The following ZNF431 variants were observed in gnomAD, a reference collection of about 807,000 sequenced individuals.
ZNF431 encodes the protein zinc finger protein 431.
Under a neutral mutation model 57.0 loss-of-function variants are expected in ZNF431, and 34 were observed. The observed-to-expected ratio is 0.60, with a 90% CI of 0.45 to 0.79. The LOEUF is 0.79. Among genes scored for constraint, ZNF431 ranks in the 30% least tolerant of loss-of-function variants. The probability of loss-of-function intolerance (pLI) is 0.00; values close to 1 mark genes in which losing one functional copy is unlikely to be tolerated. For missense variants in ZNF431, 607 were observed against 667.1 expected (o/e 0.91, Z 0.99); for synonymous variants, 207 against 220.3 (o/e 0.94, Z 0.54).
chr19:21,148,766 G>A (rs1970182543), intron 2 of ZNF431, among the ~76,000 whole-genome samples: 1 of 152,144 alleles, frequency 6.6e-6, no homozygotes, highest in Admixed American at 6.5e-5. Context: ...ACCTTGGTAA[G>A]TAAGGAATTT....
At chr19:21,171,240 TG>T (rs1970879581) in intron 4 of ZNF431, among the ~76,000 whole-genome samples, 1 of 152,232 alleles carries the variant, frequency 6.6e-6, no homozygotes, top group Non-Finnish European at 1.5e-5. Flanking sequence ...TGCATGCCAA[TG>T]ATTCAAAATA....
rs1971564557 is a variant in ZNF431 at position 21,194,257 on chromosome 19, T to C, written c.*10223T>C. ...AAATCAAGAACAGTTTTCTTTACAATAGCCATAAACAAAAAATAATATACT... is the reference window on the plus strand; with the variant it reads ...AAATCAAGAACAGTTTTCTTTACAACAGCCATAAACAAAAAATAATATACT... On this transcript the variant is annotated 3_prime_UTR_variant, in exon 5 of 5. Transcript: ENST00000311048. The C allele has an allele frequency of 6.6e-6, 1 of 152,070 alleles. No homozygotes were observed. The highest frequency in any genetic ancestry group is 1.5e-5 in the Non-Finnish European group (1 of 67,996). 9.4% of individuals were successfully genotyped at this position (152,070 alleles called of 1,614,324 possible). A position where few individuals can be genotyped will look rare whatever the true frequency, so the allele number is the denominator to read the frequency against.
chr19:21,142,839 T>C (rs1969978257), intron 1 of ZNF431, among the ~76,000 whole-genome samples: 1 of 152,172 alleles, frequency 6.6e-6, no homozygotes, highest in Non-Finnish European at 1.5e-5. Flanking sequence ...TATAGTTGGT[T>C]AGGGCTGAGT....
intron 4 of ZNF431, among the ~76,000 whole-genome samples, chr19:21,178,313 C>T (rs964082376): frequency 4.6e-5 from 7 of 152,058 alleles, no homozygotes; most frequent in African/African-American, 1.4e-4. Flanking sequence ...TTATTTCTCT[C>T]GCCTGATTTC....
intron 4 of ZNF431, among the ~76,000 whole-genome samples, chr19:21,171,813 C>T (rs529691199): frequency 5.4e-5 from 8 of 148,468 alleles, no homozygotes; most frequent in Non-Finnish European, 1.0e-4. Context: ...CTCCACCTCC[C>T]GGGTTCAAGT....
At chr19:21,144,353 C>T (rs1431713125) in intron 2 of ZNF431, among the ~76,000 whole-genome samples, 1 of 151,898 alleles carries the variant, frequency 6.6e-6, no homozygotes, top group Non-Finnish European at 1.5e-5. Context: ...CACACACCAC[C>T]ACACCCAGCT....
intron 2 of ZNF431, 74 bp downstream of exon 2, chr19:21,143,717 C>A: frequency 9.2e-7 from 1 of 1,082,330 alleles, no homozygotes; most frequent in Non-Finnish European, 1.4e-6. Context: ...TGCTGGTCAG[C>A]CAGTCCGATG....
At chr19:21,144,111 TG>T (rs76896858) in intron 2 of ZNF431, among the ~76,000 whole-genome samples, 26,870 of 152,092 alleles carry the variant, frequency 0.18, 3,080 homozygotes, top group East Asian at 0.41. Context: ...TGCCACTCCC[TG>T]GGTTTGTCAC....
chr19:21,142,272 C>G, intron 1 of ZNF431, 86 bp downstream of exon 1: 1 of 1,578,936 alleles, frequency 6.3e-7, no homozygotes, highest in East Asian at 2.2e-5. Flanking sequence ...CTCAGGCCTC[C>G]CCGCAGTCAG....
intron 4 of ZNF431, among the ~76,000 whole-genome samples, chr19:21,179,440 T>C (rs1016233442): frequency 6.6e-6 from 1 of 152,198 alleles, no homozygotes; most frequent in Non-Finnish European, 1.5e-5. Flanking sequence ...TCTCGTTCTT[T>C]TAGTTATGAT....
Position 21,189,014 on chromosome 19 carries a change from A to G in ZNF431, c.*4980A>G, listed in dbSNP as rs1048613695. ...ATGACAATAATAGCCCCAAAACTAT[A>G]TATTTTTGATACTATTTAACCAAGA... On this transcript the variant is annotated 3_prime_UTR_variant, in exon 5 of 5. Coordinates refer to ENST00000311048, the MANE Select transcript of ZNF431 (RefSeq NM_133473.4). 6.6e-6 allele frequency: 1 copy of G among 152,200 alleles called. No individual in the cohort carries two copies. Among genetic ancestry groups the G allele is most frequent in the African/African-American group, 2.4e-5 (1 of 41,448 alleles). The allele number at this position is 152,200 out of a possible 1,614,324, so 9.4% of individuals were successfully genotyped here.
rs1254267351 is a variant in ZNF431 at position 21,185,360 on chromosome 19, C to T, written c.*1326C>T. The T allele has an allele frequency of 6.6e-6, 1 of 152,160 alleles. No individual in the cohort carries two copies. Among genetic ancestry groups the T allele is most frequent in the Admixed American group, 6.5e-5 (1 of 15,268 alleles). The allele number at this position is 152,160 out of a possible 1,614,324, so 9.4% of individuals were successfully genotyped here. On this transcript the variant is annotated 3_prime_UTR_variant, in exon 5 of 5. Transcript: ENST00000311048. ...AAAATTGAATAATGTCATCATTCAA[C>T]TCTGAAATTATTTCCTGTTGTTTCT...
chr19:21,151,694 G>T (rs1316343366), intron 2 of ZNF431, among the ~76,000 whole-genome samples: 1 of 152,178 alleles, frequency 6.6e-6, no homozygotes, highest in Admixed American at 6.5e-5. Context: ...TTGAACAGCA[G>T]CCTTAAGGGG....
chr19:21,148,292 G>T (rs995660259), intron 2 of ZNF431, among the ~76,000 whole-genome samples: 4 of 152,090 alleles, frequency 2.6e-5, no homozygotes, highest in Non-Finnish European at 5.9e-5. Context: ...ACCATGCCCG[G>T]CCTCTTAATG....
chr19:21,153,712 G>A (rs1043873103), intron 2 of ZNF431, among the ~76,000 whole-genome samples: 4 of 152,062 alleles, frequency 2.6e-5, no homozygotes, highest in African/African-American at 9.7e-5. Flanking sequence ...GGCTGTGGGA[G>A]TCCCCATTTT....
intron 2 of ZNF431, among the ~76,000 whole-genome samples, chr19:21,157,774 C>A (rs552204700): frequency 6.6e-6 from 1 of 151,808 alleles, no homozygotes. Flanking sequence ...ATGATCCGCC[C>A]GCCTCGGCCT....
rs563171393 is a variant in ZNF431 at position 21,147,882 on chromosome 19, A to G, written c.96+4239A>G. On this transcript the variant is annotated intron_variant, in intron 2 of 4. Transcript: ENST00000311048. The stretch of plus-strand genomic sequence containing the variant: ...AAATATAGTCCAAAAATAGTCAAAC[A>G]TGATTTCACAGTTGACAGCCTTTTC... Among the ~76,000 whole-genome samples the G allele has an allele frequency of 1.5e-3, 232 of 152,346 alleles. 1 individual carries two copies. Among genetic ancestry groups the G allele is most frequent in the Non-Finnish European group, 2.6e-3 (178 of 68,030 alleles).
chr19:21,149,434 T>C (rs991817258), intron 2 of ZNF431, among the ~76,000 whole-genome samples: 3 of 152,214 alleles, frequency 2.0e-5, no homozygotes, highest in African/African-American at 7.2e-5. Flanking sequence ...TGTTACACTT[T>C]TAACTTTTCT....
At chr19:21,145,432 G>A (rs988471153) in intron 2 of ZNF431, among the ~76,000 whole-genome samples, 2 of 152,154 alleles carry the variant, frequency 1.3e-5, no homozygotes, top group South Asian at 2.1e-4. Flanking sequence ...AGCCAAGATC[G>A]CGCCACTGCA....
Sources: allele counts gnomAD v4.1 joint callset (sites outside exome capture counted in the v4.1 genomes callset), GRCh38; gene constraint gnomAD v4.1.1; transcripts MANE v1.5; gene names NCBI Gene and HGNC (gene_info 2026-07-23, HGNC 2026-07-21).